The following FSTL4 variants were observed in gnomAD, a reference collection of about 807,000 sequenced individuals.
FSTL4 encodes follistatin like 4, also known as follistatin-related protein 4.
FSTL4 carries 28 observed loss-of-function variants against 78.2 expected under a neutral mutation model. The ratio of observed to expected loss-of-function variants is 0.36; its 90% CI spans 0.27 to 0.49. The LOEUF (loss-of-function observed/expected upper bound fraction) is 0.49. FSTL4 is among the 20% of genes least tolerant of loss of function. FSTL4 has a pLI of 0.98. For synonymous variants in FSTL4, 422 were observed against 440.5 expected (o/e 0.96, Z 0.53); for missense variants, 922 against 1,084.9 (o/e 0.85, Z 2.11).
chr5:133,357,614 CG>C (rs1238064678), intron 4 of FSTL4, among the ~76,000 whole-genome samples: 1 of 152,172 alleles, frequency 6.6e-6, no homozygotes, highest in Non-Finnish European at 1.5e-5. Flanking sequence ...GTAACTTAAC[CG>C]TGAGAACGGC....
chr5:133,812,583 G>A, the FSTL4 span, among the ~76,000 whole-genome samples: 526 of 152,234 alleles, frequency 3.5e-3, 6 homozygotes, highest in Non-Finnish European at 6.3e-3. Flanking sequence ...CTCAACTCAA[G>A]TATCATCTCC....
At chr5:133,564,300 A>C (rs1188407182) in intron 3 of FSTL4, among the ~76,000 whole-genome samples, 2 of 152,320 alleles carry the variant, frequency 1.3e-5, no homozygotes, top group Middle Eastern at 3.4e-3. Context: ...TTTTTGGGGA[A>C]CAAAATTCAA....
At chr5:133,646,133 G>A in the FSTL4 span, among the ~76,000 whole-genome samples, 1 of 152,124 alleles carries the variant, frequency 6.6e-6, no homozygotes, top group Admixed American at 6.5e-5. Flanking sequence ...AAACTAATAA[G>A]TGCAATGATG....
At chr5:133,701,468 A>AACACACACACACACACAC in the FSTL4 span, among the ~76,000 whole-genome samples, 286 of 129,070 alleles carry the variant, frequency 2.2e-3, 2 homozygotes, top group Admixed American at 2.8e-3. Context: ...AAGACACAGA[A>AACACACACACACACACAC]ACACACACAC....
At chr5:133,499,961 ACCATG>A (rs1758456694) in intron 3 of FSTL4, among the ~76,000 whole-genome samples, 1 of 152,124 alleles carries the variant, frequency 6.6e-6, no homozygotes, top group Non-Finnish European at 1.5e-5. Flanking sequence ...CGGGCTGCAA[ACCATG>A]CCGCATATTT....
intron 3 of FSTL4, among the ~76,000 whole-genome samples, chr5:133,512,552 G>A (rs886506812): frequency 6.6e-6 from 1 of 152,192 alleles, no homozygotes; most frequent in African/African-American, 2.4e-5. Flanking sequence ...TATAGTACAT[G>A]TCCTTCAATT....
At chr5:133,728,316 A>G in the FSTL4 span, among the ~76,000 whole-genome samples, 11 of 152,252 alleles carry the variant, frequency 7.2e-5, no homozygotes, top group Admixed American at 7.2e-4. Context: ...AAAGTCTCCC[A>G]GGTACAGGTT....
At position 133,250,858 on chromosome 5, in the gene FSTL4, G is replaced by T. The variant is rs75507434; in HGVS notation, c.728-1282C>A. ...GGGCTCACAAAGATGAACAAGCTAC[G>T]CTAGGTGCTTCATCAGTGCTGTTGG... On this transcript the variant is annotated intron_variant, in intron 6 of 15. Coordinates refer to ENST00000265342, the MANE Select transcript of FSTL4 (RefSeq NM_015082.2). Among the ~76,000 whole-genome samples the T allele has an allele frequency of 4.6e-5, 7 of 152,312 alleles. No homozygotes were observed. In the South Asian group the frequency reaches 1.0e-3, roughly 23 times the overall value.
chr5:133,729,979 C>T, the FSTL4 span, among the ~76,000 whole-genome samples: 1 of 152,288 alleles, frequency 6.6e-6, no homozygotes, highest in East Asian at 1.9e-4. Flanking sequence ...TCAGACAATT[C>T]AGGCAGTTTC....
intron 6 of FSTL4, among the ~76,000 whole-genome samples, chr5:133,293,289 C>T (rs1362479805): frequency 1.3e-5 from 2 of 152,232 alleles, no homozygotes; most frequent in South Asian, 4.1e-4. Context: ...CTTTTCTGTT[C>T]CCACTTTTGC....
At chr5:133,239,448 C>A (rs1387570879) in intron 7 of FSTL4, among the ~76,000 whole-genome samples, 6 of 152,152 alleles carry the variant, frequency 3.9e-5, no homozygotes, top group Admixed American at 1.3e-4. Context: ...ACTTGGAGAA[C>A]CTTTATGTCT....
intron 4 of FSTL4, among the ~76,000 whole-genome samples, chr5:133,393,951 G>A (rs770976018): frequency 1.4e-4 from 22 of 152,220 alleles, no homozygotes; most frequent in Non-Finnish European, 3.2e-4. Context: ...GCACCAGGAG[G>A]TCTCCTGGGG....
At chr5:133,752,566 C>A in the FSTL4 span, among the ~76,000 whole-genome samples, 2 of 151,964 alleles carry the variant, frequency 1.3e-5, no homozygotes, top group Non-Finnish European at 2.9e-5. Context: ...TCTAAGATTG[C>A]GCCACTGTAC....
intron 6 of FSTL4, among the ~76,000 whole-genome samples, chr5:133,269,066 C>T (rs1752704245): frequency 6.6e-6 from 1 of 151,600 alleles, no homozygotes; most frequent in Admixed American, 6.6e-5. Flanking sequence ...CCTGTAGTCC[C>T]AGCTACTCGG....
chr5:133,397,153 A>G (rs1756078934), intron 4 of FSTL4, among the ~76,000 whole-genome samples: 1 of 152,250 alleles, frequency 6.6e-6, no homozygotes, highest in Non-Finnish European at 1.5e-5. Context: ...ATTCAAAACC[A>G]AGAAAAATGA....
intron 6 of FSTL4, among the ~76,000 whole-genome samples, chr5:133,308,355 C>T (rs1461699334): frequency 5.3e-5 from 8 of 152,190 alleles, no homozygotes; most frequent in Non-Finnish European, 1.2e-4. Flanking sequence ...GAACCCCATG[C>T]TATTTAAAAT....
intron 6 of FSTL4, among the ~76,000 whole-genome samples, chr5:133,293,833 A>G (rs764083263): frequency 1.3e-5 from 2 of 152,214 alleles, no homozygotes. Context: ...TAAATATTGC[A>G]CTAAGCCCCT....
chr5:133,690,687 T>C, the FSTL4 span, among the ~76,000 whole-genome samples: 1 of 152,238 alleles, frequency 6.6e-6, no homozygotes, highest in Admixed American at 6.5e-5. Context: ...ACTGAATTTC[T>C]GACTTTTGAT....
intron 4 of FSTL4, among the ~76,000 whole-genome samples, chr5:133,336,734 G>A (rs1754472466): frequency 6.6e-6 from 1 of 152,134 alleles, no homozygotes; most frequent in African/African-American, 2.4e-5. Flanking sequence ...GCCTGACCCT[G>A]TGTGCCTGTC....
Sources: gnomAD v4.1 joint callset for allele counts (sites outside exome capture counted in the v4.1 genomes callset) on GRCh38, gnomAD v4.1.1 for gene constraint, MANE v1.5 for transcripts, NCBI Gene and HGNC (gene_info 2026-07-23, HGNC 2026-07-21) for gene names.